Variants in CLSTN2 observed in about 807,000 individuals in gnomAD.
CLSTN2 encodes calsyntenin-2.
Under a neutral mutation model 101.2 loss-of-function variants are expected in CLSTN2, and 48 were observed. The observed-to-expected ratio is 0.47, with a 90% CI of 0.38 to 0.60. The LOEUF (loss-of-function observed/expected upper bound fraction) is 0.60. CLSTN2 is among the 20% of genes least tolerant of loss of function. CLSTN2 has a pLI of 0.00. For synonymous variants in CLSTN2, 481 were observed against 463.6 expected (o/e 1.04, Z -0.48); for missense variants, 1,160 against 1,238.2 (o/e 0.94, Z 0.95).
intron 2 of CLSTN2, among the ~76,000 whole-genome samples, chr3:140,383,997 G>A (rs993792795): frequency 3.3e-5 from 5 of 152,194 alleles, no homozygotes; most frequent in African/African-American, 9.6e-5. Context: ...CATTTAGAAT[G>A]CATTAGCTCC....
chr3:140,403,752 A>G lies in CLSTN2; in HGVS notation c.356A>G (p.Glu119Gly). The G allele has an allele frequency of 6.2e-7, 1 of 1,614,176 alleles. No homozygotes were observed. The change falls in exon 3 of 17, where the codon GAG becomes GGG. Residue 119 changes from glutamate (E) to glycine (G), a missense_variant. Transcript: ENST00000458420. ...KSPIDCELQK[E>G]YTFIIQAYDC... ...CCCATTGACTGTGAGTTGCAGAAGGAGTACACATTCATCATCCAGGCCTAT... is the reference window on the plus strand; with the variant it reads ...CCCATTGACTGTGAGTTGCAGAAGGGGTACACATTCATCATCCAGGCCTAT...
intron 1 of CLSTN2, among the ~76,000 whole-genome samples, chr3:139,988,429 A>G (rs1936064658): frequency 6.6e-6 from 1 of 152,226 alleles, no homozygotes. Context: ...CACTTGGTCC[A>G]TATCCCATGG....
At chr3:140,107,700 G>A (rs964209219) in intron 1 of CLSTN2, among the ~76,000 whole-genome samples, 1 of 152,138 alleles carries the variant, frequency 6.6e-6, no homozygotes, top group African/African-American at 2.4e-5. Context: ...AGTAGAATTT[G>A]GTTCCTCACC....
intron 2 of CLSTN2, among the ~76,000 whole-genome samples, chr3:140,341,826 T>A (rs988422975): frequency 6.6e-6 from 1 of 152,140 alleles, no homozygotes; most frequent in Non-Finnish European, 1.5e-5. Flanking sequence ...AAATTTACTA[T>A]CCTTAGTGAA....
intron 1 of CLSTN2, among the ~76,000 whole-genome samples, chr3:140,024,429 G>GT (rs1421535775): frequency 6.6e-6 from 1 of 152,158 alleles, no homozygotes; most frequent in African/African-American, 2.4e-5. Context: ...CTGCATGGCT[G>GT]TTTTTTTGTT....
chr3:140,496,436 T>C (rs896865470), intron 8 of CLSTN2, among the ~76,000 whole-genome samples: 5 of 152,158 alleles, frequency 3.3e-5, no homozygotes, highest in Non-Finnish European at 5.9e-5. Flanking sequence ...TTCCTCTCTT[T>C]CTATTTGAAT....
intron 5 of CLSTN2, among the ~76,000 whole-genome samples, chr3:140,443,383 T>TC (rs1265911719): frequency 6.6e-6 from 1 of 152,240 alleles, no homozygotes; most frequent in Non-Finnish European, 1.5e-5. Flanking sequence ...TTAGCTTTAT[T>TC]CCCCCTGTAG....
chr3:140,290,485 T>TG (rs2086937264), intron 2 of CLSTN2, among the ~76,000 whole-genome samples: 1 of 152,106 alleles, frequency 6.6e-6, no homozygotes, highest in Non-Finnish European at 1.5e-5. Flanking sequence ...GAGGTGGGAT[T>TG]GAGGGACAGG....
At chr3:140,276,721 T>C (rs2086797954) in intron 2 of CLSTN2, among the ~76,000 whole-genome samples, 1 of 152,162 alleles carries the variant, frequency 6.6e-6, no homozygotes, top group Non-Finnish European at 1.5e-5. Context: ...TCCCACATCC[T>C]GGGAATATCC....
At chr3:140,140,005 T>A (rs2107808566) in intron 1 of CLSTN2, among the ~76,000 whole-genome samples, 1 of 152,252 alleles carries the variant, frequency 6.6e-6, no homozygotes, top group Non-Finnish European at 1.5e-5. Context: ...GTCTCAAACT[T>A]TAGATGCATC....
chr3:140,110,677 C>T (rs2009140035), intron 1 of CLSTN2, among the ~76,000 whole-genome samples: 1 of 152,068 alleles, frequency 6.6e-6, no homozygotes, highest in African/African-American at 2.4e-5. Context: ...AGCTAAGGTT[C>T]CTTGAAGTTT....
chr3:140,309,212 G>A (rs749685722), intron 2 of CLSTN2, among the ~76,000 whole-genome samples: 1 of 152,146 alleles, frequency 6.6e-6, no homozygotes, highest in Non-Finnish European at 1.5e-5. Context: ...CTGGGAACAT[G>A]TCACTGGGGT....
chr3:140,374,297 TC>T (rs1473611086), intron 2 of CLSTN2, among the ~76,000 whole-genome samples: 5 of 152,190 alleles, frequency 3.3e-5, no homozygotes, highest in African/African-American at 4.8e-5. Context: ...CATCTCCTCC[TC>T]CTTTTTTTCT....
In CLSTN2 at chr3:140,418,510, TTTCTTTC is replaced by T. The variant is rs1344546107; in HGVS notation, c.638-2612_638-2606del. Among the ~76,000 whole-genome samples, 5 of 43,666 alleles carry T rather than the reference TTTCTTTC, an allele frequency of 1.1e-4. 2 individuals carry two copies. In the African/African-American group the frequency reaches 2.1e-3, roughly 19 times the overall value. 28.6% of individuals were successfully genotyped at this position (43,666 alleles called of 152,430 possible). ...TTCTAGTTCTTTCTTTCTTTCTTTC[TTTCTTTC>T]TTTTTTTTTTTTTTTTCTGAGACGG... On this transcript the variant is annotated intron_variant, in intron 4 of 16. Coordinates refer to ENST00000458420, the MANE Select transcript of CLSTN2 (RefSeq NM_022131.3).
intron 1 of CLSTN2, among the ~76,000 whole-genome samples, chr3:139,973,749 C>T (rs1326592768): frequency 6.6e-6 from 1 of 152,202 alleles, no homozygotes; most frequent in African/African-American, 2.4e-5. Context: ...AGCAATCCTC[C>T]TGCCCCAGCC....
At chr3:140,294,000 C>A (rs2086978427) in intron 2 of CLSTN2, among the ~76,000 whole-genome samples, 1 of 152,188 alleles carries the variant, frequency 6.6e-6, no homozygotes, top group Non-Finnish European at 1.5e-5. Flanking sequence ...CTCTGTGCCC[C>A]ATGGAAAGCA....
At chr3:140,237,781 A>G (rs1022755017) in intron 2 of CLSTN2, among the ~76,000 whole-genome samples, 1 of 152,140 alleles carries the variant, frequency 6.6e-6, no homozygotes, top group Admixed American at 6.5e-5. Context: ...GAAAGCTTCT[A>G]TTATTTCATC....
chr3:140,204,923 A>G (rs1164794428), intron 2 of CLSTN2, among the ~76,000 whole-genome samples: 1 of 152,186 alleles, frequency 6.6e-6, no homozygotes, highest in East Asian at 1.9e-4. Context: ...TAAGGACAGT[A>G]CATTGATGGG....
chr3:140,299,780 C>G (rs1468593174), intron 2 of CLSTN2, among the ~76,000 whole-genome samples: 1 of 152,194 alleles, frequency 6.6e-6, no homozygotes, highest in Non-Finnish European at 1.5e-5. Flanking sequence ...TCTTCTTTGG[C>G]TATATTCTAT....
Sources: allele counts gnomAD v4.1 joint callset (sites outside exome capture counted in the v4.1 genomes callset), GRCh38; gene constraint gnomAD v4.1.1; transcripts MANE v1.5; gene names NCBI Gene and HGNC (gene_info 2026-07-23, HGNC 2026-07-21).